The following MRPS6 variants were observed in gnomAD, a reference collection of about 807,000 sequenced individuals.
MRPS6 encodes mitochondrial ribosomal protein S6.
MRPS6 carries 6 observed loss-of-function variants against 13.1 expected under a neutral mutation model. The observed-to-expected ratio is 0.46, with a 90% confidence interval of 0.25 to 0.91. The LOEUF is 0.91. Ranked by LOEUF, MRPS6 falls within the 40% of genes least tolerant of loss-of-function variation. The pLI is 0.18. For missense variants in MRPS6, 164 were observed against 155.6 expected (o/e 1.05, Z -0.29); for synonymous variants, 61 against 56.5 (o/e 1.08, Z -0.36).
chr21:34,142,051 A>C (rs568372818), intron 2 of MRPS6, among the ~76,000 whole-genome samples: 6 of 152,222 alleles, frequency 3.9e-5, no homozygotes, highest in Non-Finnish European at 7.3e-5. Flanking sequence ...ACATTAATGA[A>C]TAGTTTGGAA....
chr21:34,125,453 C>T lies in MRPS6; in HGVS notation c.158C>T (p.Ala53Val), dbSNP rs753149767. 2 of 1,614,044 alleles carry T rather than the reference C, an allele frequency of 1.2e-6. No homozygotes were observed. The highest frequency in any genetic ancestry group is 1.7e-6 in the Non-Finnish European group (2 of 1,179,930). ...CGAGCGCTTCCTTATAGGATCTCTG[C>T]CCACAGTCAGCAGCACAACAGAGGC... is the stretch of plus-strand genomic sequence containing the variant. Reference protein sequence around the residue: ...GERALPYRISAHSQQHNRGGY... With the variant: ...GERALPYRISVHSQQHNRGGY... The change falls in exon 2 of 3, where the codon GCC becomes GTC. Residue 53 changes from alanine to valine, a missense_variant. Coordinates refer to ENST00000399312, the MANE Select transcript of MRPS6 (RefSeq NM_032476.4).
At chr21:34,076,112 G>A (rs889417005) in intron 1 of MRPS6, among the ~76,000 whole-genome samples, 3 of 152,082 alleles carry the variant, frequency 2.0e-5, no homozygotes, top group Non-Finnish European at 2.9e-5. Flanking sequence ...TGGAATTGAG[G>A]AAAATGCTGT....
chr21:34,073,915 G>A (rs1223089321), intron 1 of MRPS6, among the ~76,000 whole-genome samples, 170 bp downstream of exon 1: 2 of 145,368 alleles, frequency 1.4e-5, no homozygotes, highest in Non-Finnish European at 3.1e-5. Context: ...GGCGCGCGTG[G>A]GCCGGCCGGG....
At chr21:34,105,615 C>G in intron 1 of MRPS6, 2 of 999,940 alleles carry the variant, frequency 2.0e-6, no homozygotes, top group Non-Finnish European at 2.4e-6. Context: ...ATATTGTGTA[C>G]ATGTGTCATT....
At chr21:34,083,538 G>A (rs1222946555) in intron 1 of MRPS6, among the ~76,000 whole-genome samples, 1 of 152,208 alleles carries the variant, frequency 6.6e-6, no homozygotes, top group Admixed American at 6.5e-5. Flanking sequence ...TTTTTTAACT[G>A]CTTGACACTG....
chr21:34,099,245 G>GATCT (rs1216118934), intron 1 of MRPS6: 6 of 999,996 alleles, frequency 6.0e-6, no homozygotes, highest in African/African-American at 5.2e-5. Flanking sequence ...CAAATAGATA[G>GATCT]AGCTCATCAT....
chr21:34,075,301 C>T (rs1446868329), intron 1 of MRPS6, among the ~76,000 whole-genome samples: 1 of 152,180 alleles, frequency 6.6e-6, no homozygotes, highest in East Asian at 1.9e-4. Flanking sequence ...TTCTGTAACC[C>T]TTTGAAACCT....
rs1980946938 is a variant in MRPS6 at position 34,142,708 on chromosome 21, G to A, written c.*108G>A. On this transcript the variant is annotated 3_prime_UTR_variant, in exon 3 of 3. Coordinates refer to ENST00000399312, the MANE Select transcript of MRPS6 (RefSeq NM_032476.4). ...GCCTTTATATAAGCATGTGTTGCAGGTGCTGTTTGATTTTTCTAAGGTATT... is the reference window on the plus strand; with the variant it reads ...GCCTTTATATAAGCATGTGTTGCAGATGCTGTTTGATTTTTCTAAGGTATT... The A allele has an allele frequency of 3.1e-6, 4 of 1,285,314 alleles. No individual in the cohort carries two copies. In the South Asian group the frequency reaches 7.8e-5, roughly 25 times the overall value. The allele number at this position is 1,285,314 out of a possible 1,614,324, so 79.6% of individuals were successfully genotyped here. A position where few individuals can be genotyped will look rare whatever the true frequency, so the allele number is the denominator to read the frequency against.
At position 34,126,787 on chromosome 21, in the gene MRPS6, C is replaced by G. The variant is rs181687846; in HGVS notation, c.185+1307C>G. Among the ~76,000 whole-genome samples, 144 of 152,238 alleles carry G rather than the reference C, an allele frequency of 9.5e-4. 1 individual carries two copies. The highest frequency in any genetic ancestry group is 1.6e-3 in the Admixed American group (25 of 15,288). ...ATGTAGTACTTCCAGGGGTTTCTGC[C>G]CTTTTTTCAAGTAGAGGATTTGACT... On this transcript the variant is annotated intron_variant, in intron 2 of 2. Coordinates refer to ENST00000399312, the MANE Select transcript of MRPS6 (RefSeq NM_032476.4).
At chr21:34,110,938 G>A (rs954625007) in intron 1 of MRPS6, among the ~76,000 whole-genome samples, 2 of 152,160 alleles carry the variant, frequency 1.3e-5, no homozygotes, top group African/African-American at 4.8e-5. Context: ...ACACTAGACA[G>A]CCCTTCAGCA....
rs184869645 is a variant in MRPS6 at position 34,080,085 on chromosome 21, C to T, written c.45+6340C>T. Among the ~76,000 whole-genome samples, 515 of 152,294 alleles carry T rather than the reference C, an allele frequency of 3.4e-3. 3 individuals are homozygous for T. Among genetic ancestry groups the T allele is most frequent in the Non-Finnish European group, 5.5e-3 (371 of 68,020 alleles). On this transcript the variant is annotated intron_variant, in intron 1 of 2. Transcript: ENST00000399312. Reference sequence around the variant, plus strand: ...GGACTCTTGCAGTTTCTTAGCTGGTCTCCTGACATACTACTGAGGGGAGGA... The same window carrying T: ...GGACTCTTGCAGTTTCTTAGCTGGTTTCCTGACATACTACTGAGGGGAGGA...
chr21:34,113,868 C>A (rs1439524276), intron 1 of MRPS6, among the ~76,000 whole-genome samples: 1 of 152,112 alleles, frequency 6.6e-6, no homozygotes, highest in Non-Finnish European at 1.5e-5. Context: ...GTTGACTGTT[C>A]CCTCCCCTGG....
intron 2 of MRPS6, among the ~76,000 whole-genome samples, chr21:34,138,301 T>C (rs182963321): frequency 1.6e-4 from 24 of 152,328 alleles, no homozygotes; most frequent in Admixed American, 1.6e-3. Context: ...TTGCCATTGC[T>C]TTTGGTGTTT....
intron 1 of MRPS6, among the ~76,000 whole-genome samples, chr21:34,121,447 A>T (rs978601293): frequency 6.6e-6 from 1 of 152,168 alleles, no homozygotes; most frequent in Non-Finnish European, 1.5e-5. Flanking sequence ...GACTAGAATC[A>T]TAGTCCTAGT....
At chr21:34,101,469 G>T in intron 1 of MRPS6, 1 of 1,000,048 alleles carries the variant, frequency 1.0e-6, no homozygotes, top group Non-Finnish European at 1.2e-6. Flanking sequence ...AGGCATTTCA[G>T]TGTTGATAAT....
intron 1 of MRPS6, among the ~76,000 whole-genome samples, chr21:34,115,090 G>T (rs982604382): frequency 3.3e-5 from 5 of 152,180 alleles, no homozygotes; most frequent in African/African-American, 1.2e-4. Flanking sequence ...ATTCAGCCAT[G>T]CATTATCTCA....
At position 34,125,369 on chromosome 21, in the gene MRPS6, CGATAGAGGCCCT is replaced by C; in HGVS notation, c.78_89del (p.Ile26_Leu29del). 1 of 1,613,614 alleles carries C rather than the reference CGATAGAGGCCCT, an allele frequency of 6.2e-7. No individual in the cohort carries two copies. The highest frequency in any genetic ancestry group is 1.1e-5 in the South Asian group (1 of 91,006). On this transcript the variant is annotated inframe_deletion, in exon 2 of 3. Transcript: ENST00000399312. ...GAGACTGCTGCTACTTTGAAACGTA[CGATAGAGGCCCT>C]GATGGACAGAGGAGCAATAGTGAGG...
chr21:34,111,600 C>G (rs1163868755), intron 1 of MRPS6, among the ~76,000 whole-genome samples: 3 of 152,214 alleles, frequency 2.0e-5, no homozygotes, highest in African/African-American at 7.2e-5. Flanking sequence ...GTTTTTTCCT[C>G]TGGATAACTT....
Position 34,120,281 on chromosome 21 carries a change from C to T in MRPS6, c.46-5060C>T, listed in dbSNP as rs149350890. Among the ~76,000 whole-genome samples, 18 of 152,226 alleles carry T rather than the reference C, an allele frequency of 1.2e-4. 1 individual carries two copies. In the East Asian group the frequency reaches 3.5e-3, roughly 29 times the overall value. ...TGCAGATATTAATCCAACAGCCATC[C>T]TGTATCTATTTATGTACTTCAAGTG... On this transcript the variant is annotated intron_variant, in intron 1 of 2. Transcript: ENST00000399312.
Sources: gnomAD v4.1 joint callset for allele counts (sites outside exome capture counted in the v4.1 genomes callset) on GRCh38, gnomAD v4.1.1 for gene constraint, MANE v1.5 for transcripts, NCBI Gene and HGNC (gene_info 2026-07-23, HGNC 2026-07-21) for gene names.